Variants in CTNNA2 observed in about 807,000 individuals in gnomAD.
The protein encoded by CTNNA2 is catenin alpha-2.
CTNNA2 carries 42 observed loss-of-function variants against 101.0 expected under a neutral mutation model. That is an observed-to-expected ratio of 0.42 (90% CI 0.32 to 0.54). The LOEUF (loss-of-function observed/expected upper bound fraction) is 0.54, where lower values mean the gene tolerates loss of function less well. CTNNA2 is among the 20% of genes least tolerant of loss of function. The pLI is 0.14. For synonymous variants in CTNNA2, 450 were observed against 456.4 expected, an observed-to-expected ratio of 0.99 and a Z score of 0.18; for missense variants, 871 against 1,223.1, an observed-to-expected ratio of 0.71 and a Z score of 4.29.
chr2:79,354,052 G>C (rs1677451252), intron 3 of CTNNA2, among the ~76,000 whole-genome samples: 1 of 152,076 alleles, frequency 6.6e-6, no homozygotes, highest in African/African-American at 2.4e-5. Context: ...ATGCTAGACT[G>C]TTGGAGTTCT....
intron 11 of CTNNA2, among the ~76,000 whole-genome samples, chr2:80,550,316 G>T (rs1215996252): frequency 6.6e-6 from 1 of 152,166 alleles, no homozygotes; most frequent in Non-Finnish European, 1.5e-5. Flanking sequence ...CTCTTTGATG[G>T]TAGGGGGGGT....
chr2:80,003,438 A>G (rs75823349), intron 7 of CTNNA2, among the ~76,000 whole-genome samples: 2,667 of 152,300 alleles, frequency 0.018, 45 homozygotes, highest in Non-Finnish European at 0.03. Flanking sequence ...ATGCAAAGCC[A>G]TAGCAATAAT....
At chr2:80,598,763 AAC>A (rs1227474002) in intron 15 of CTNNA2, among the ~76,000 whole-genome samples, 5 of 152,200 alleles carry the variant, frequency 3.3e-5, no homozygotes, top group African/African-American at 1.2e-4. Flanking sequence ...CTGAGTGAAA[AAC>A]AGTTATCTCA....
intron 1 of CTNNA2, among the ~76,000 whole-genome samples, chr2:79,612,701 G>C (rs1047660606): frequency 6.6e-6 from 1 of 152,060 alleles, no homozygotes; most frequent in Admixed American, 6.6e-5. Context: ...GCATTTGTAT[G>C]ACTTGATTTT....
intron 3 of CTNNA2, among the ~76,000 whole-genome samples, chr2:79,342,240 A>T (rs1677154657): frequency 6.6e-6 from 1 of 152,194 alleles, no homozygotes; most frequent in African/African-American, 2.4e-5. Flanking sequence ...TCCTGATGCT[A>T]TAGGCAGGAT....
chr2:80,190,633 T>C (rs571726377), intron 7 of CTNNA2, among the ~76,000 whole-genome samples: 8 of 152,162 alleles, frequency 5.3e-5, no homozygotes, highest in Non-Finnish European at 8.8e-5. Context: ...AAGGGTATGC[T>C]GAAATCATTG....
At chr2:80,160,102 A>G (rs975245392) in intron 7 of CTNNA2, among the ~76,000 whole-genome samples, 1 of 152,092 alleles carries the variant, frequency 6.6e-6, no homozygotes, top group East Asian at 1.9e-4. Flanking sequence ...CATTTGGTTG[A>G]TTTTGTACTT....
chr2:79,252,422 T>C (rs1674784798), intron 2 of CTNNA2, among the ~76,000 whole-genome samples: 1 of 152,064 alleles, frequency 6.6e-6, no homozygotes, highest in Non-Finnish European at 1.5e-5. Flanking sequence ...TCACCTCTGG[T>C]TTTGTGGTTT....
At chr2:79,336,005 T>A (rs967196048) in intron 3 of CTNNA2, among the ~76,000 whole-genome samples, 6 of 152,226 alleles carry the variant, frequency 3.9e-5, no homozygotes, top group Non-Finnish European at 7.3e-5. Flanking sequence ...TAAGAAATAC[T>A]GCAATAAATC....
At chr2:79,659,285 G>A (rs1681846184) in intron 2 of CTNNA2, among the ~76,000 whole-genome samples, 1 of 147,538 alleles carries the variant, frequency 6.8e-6, no homozygotes. Context: ...TTTTATGCAA[G>A]AATTTACTGA....
intron 3 of CTNNA2, among the ~76,000 whole-genome samples, chr2:79,814,612 C>CAA (rs1277755946): frequency 5.0e-5 from 7 of 139,552 alleles, no homozygotes; most frequent in African/African-American, 2.1e-4. Context: ...TGTGTATACA[C>CAA]ACACACACAC....
intron 7 of CTNNA2, among the ~76,000 whole-genome samples, chr2:80,146,026 A>T (rs1703310366): frequency 6.6e-6 from 1 of 152,016 alleles, no homozygotes; most frequent in African/African-American, 2.4e-5. Context: ...GCTGTAGGAG[A>T]TCTGCGGTGG....
intron 7 of CTNNA2, among the ~76,000 whole-genome samples, chr2:80,007,616 A>AT (rs1558722954): frequency 2.0e-5 from 3 of 152,078 alleles, no homozygotes; most frequent in African/African-American, 7.2e-5. Flanking sequence ...GCCTTTGAAA[A>AT]TTTTCTGAGC....
intron 7 of CTNNA2, among the ~76,000 whole-genome samples, chr2:80,024,021 A>G (rs13423222): frequency 0.055 from 8,193 of 147,982 alleles, 634 homozygotes; most frequent in African/African-American, 0.17. Context: ...CGGGAGGCGG[A>G]GCTTGCAGTG....
At chr2:80,314,511 G>T (rs564098846) in intron 7 of CTNNA2, among the ~76,000 whole-genome samples, 8 of 152,106 alleles carry the variant, frequency 5.3e-5, no homozygotes, top group Admixed American at 1.3e-4. Flanking sequence ...TAACATATAG[G>T]GATGGCCATG....
chr2:80,067,707 G>T (rs1368748395), intron 7 of CTNNA2, among the ~76,000 whole-genome samples: 2 of 152,146 alleles, frequency 1.3e-5, no homozygotes, highest in Non-Finnish European at 2.9e-5. Flanking sequence ...TTGGAGGCTA[G>T]GTCATAAAAG....
intron 9 of CTNNA2, among the ~76,000 whole-genome samples, chr2:80,447,915 A>C (rs192561644): frequency 1.6e-4 from 24 of 152,346 alleles, no homozygotes; most frequent in Admixed American, 1.2e-3. Flanking sequence ...GGCCAGGGTG[A>C]AACTAATCTT....
At chr2:80,572,150 C>T (rs966923573) in intron 12 of CTNNA2, among the ~76,000 whole-genome samples, 1 of 152,102 alleles carries the variant, frequency 6.6e-6, no homozygotes. Flanking sequence ...ATTGTGTCTG[C>T]ATGCTCAATA....
At chr2:80,354,161 C>CT (rs1181625164) in intron 7 of CTNNA2, among the ~76,000 whole-genome samples, 1 of 152,108 alleles carries the variant, frequency 6.6e-6, no homozygotes, top group Non-Finnish European at 1.5e-5. Context: ...TTGTGGCACT[C>CT]TAACTTCAGG....
Sources: gnomAD v4.1 joint callset for allele counts (sites outside exome capture counted in the v4.1 genomes callset) on GRCh38, gnomAD v4.1.1 for gene constraint, MANE v1.5 for transcripts, NCBI Gene and HGNC (gene_info 2026-07-23, HGNC 2026-07-21) for gene names.